EBF1: variants seen among roughly 807,000 people sequenced by gnomAD.
EBF1 encodes transcription factor COE1.
Under a neutral mutation model 68.4 loss-of-function variants are expected in EBF1, and 10 were observed. The ratio of observed to expected loss-of-function variants is 0.15; its 90% confidence interval spans 0.09 to 0.25. EBF1 has a LOEUF of 0.25. EBF1 is among the 10% of genes least tolerant of loss of function. The pLI, the probability that EBF1 is intolerant of heterozygous loss-of-function variation, is 1.00. For missense variants in EBF1, 509 were observed against 794.4 expected, an observed-to-expected ratio of 0.64 and a Z score of 4.32; for synonymous variants, 298 against 299.8, an observed-to-expected ratio of 0.99 and a Z score of 0.06.
At chr5:159,018,651 T>C (rs1766074579) in intron 6 of EBF1, among the ~76,000 whole-genome samples, 1 of 152,252 alleles carries the variant, frequency 6.6e-6, no homozygotes, top group South Asian at 2.1e-4. Flanking sequence ...CTAAGCACTT[T>C]ATAATGTACT....
intron 8 of EBF1, among the ~76,000 whole-genome samples, chr5:158,822,735 G>A (rs559398197): frequency 4.4e-4 from 67 of 152,254 alleles, no homozygotes; most frequent in African/African-American, 1.3e-3. Context: ...CAGGAGGGTG[G>A]TAAAGAGGAT....
intron 10 of EBF1, among the ~76,000 whole-genome samples, chr5:158,760,510 G>A (rs1430574555): frequency 3.3e-5 from 5 of 152,082 alleles, no homozygotes; most frequent in Non-Finnish European, 7.4e-5. Context: ...TTAAGACCAG[G>A]CATGGTGGCT....
intron 10 of EBF1, among the ~76,000 whole-genome samples, chr5:158,754,040 A>G (rs1348073541): frequency 6.6e-6 from 1 of 152,080 alleles, no homozygotes; most frequent in Non-Finnish European, 1.5e-5. Flanking sequence ...CTGTTAGAAC[A>G]TGAGGCTGGC....
rs183509380 is a variant in EBF1, at chr5:158,757,697, C to T, written c.1036+19716G>A. 3.7e-4 allele frequency among the ~76,000 whole-genome samples: 57 copies of T among 152,272 alleles called. 1 individual carries two copies. Among genetic ancestry groups the T allele is most frequent in the Non-Finnish European group, 7.4e-4 (50 of 68,020 alleles). On this transcript the variant is annotated intron_variant, in intron 10 of 15. Transcript: ENST00000313708. ...TGCATAACCTTCAGCAAATGCTGAA[C>T]ACCTCTTTGACTCAGTTTCTTCATT...
intron 7 of EBF1, among the ~76,000 whole-genome samples, chr5:158,829,703 A>C (rs746237949): frequency 1.3e-5 from 2 of 152,168 alleles, no homozygotes; most frequent in Non-Finnish European, 2.9e-5. Flanking sequence ...TCAACCCCCT[A>C]TAGTCTACAT....
At chr5:158,849,244 A>G (rs537387947) in intron 6 of EBF1, among the ~76,000 whole-genome samples, 4 of 152,290 alleles carry the variant, frequency 2.6e-5, no homozygotes, top group South Asian at 4.1e-4. Flanking sequence ...TGAATCTTTC[A>G]AAGTCCCTAA....
At position 159,083,666 on chromosome 5, in the gene EBF1, C is replaced by T. The variant is rs1359067163; in HGVS notation, c.485+1000G>A. The stretch of plus-strand genomic sequence containing the variant: ...TTAAGGTTGCTTTCCCCCACAAGTC[C>T]ACAAGCAGCAAATAAAGCCCATCCA... On this transcript the variant is annotated intron_variant, in intron 5 of 15. Transcript: ENST00000313708. 2.0e-5 allele frequency among the ~76,000 whole-genome samples: 3 copies of T among 152,264 alleles called. No homozygotes were observed. In the East Asian group the frequency reaches 5.8e-4, roughly 29 times the overall value.
chr5:158,736,515 G>A (rs1358978709), intron 10 of EBF1, among the ~76,000 whole-genome samples: 3 of 152,158 alleles, frequency 2.0e-5, no homozygotes, highest in Admixed American at 1.3e-4. Flanking sequence ...ATATTAGGAA[G>A]GCAATATTAA....
At chr5:158,794,164 A>G (rs1164121442) in intron 9 of EBF1, among the ~76,000 whole-genome samples, 1 of 152,172 alleles carries the variant, frequency 6.6e-6, no homozygotes, top group Non-Finnish European at 1.5e-5. Context: ...ACAATGAAGG[A>G]GCATGCATCC....
chr5:159,064,899 C>CTTTTTTTTTTTTTTTTTTT (rs57256923), intron 6 of EBF1, among the ~76,000 whole-genome samples: 2 of 67,936 alleles, frequency 2.9e-5, no homozygotes, highest in African/African-American at 6.1e-5. Flanking sequence ...CTCTTTTCAT[C>CTTTTTTTTTTTTTTTTTTT]TTTTTTTTTT....
At chr5:159,023,355 A>T (rs886431744) in intron 6 of EBF1, among the ~76,000 whole-genome samples, 3 of 152,230 alleles carry the variant, frequency 2.0e-5, no homozygotes, top group Non-Finnish European at 4.4e-5. Context: ...AGGGAAATGA[A>T]GTTCAGACTG....
intron 6 of EBF1, among the ~76,000 whole-genome samples, chr5:159,038,260 G>C (rs1402565702): frequency 1.3e-5 from 2 of 152,046 alleles, no homozygotes; most frequent in Non-Finnish European, 2.9e-5. Context: ...AAACACCATG[G>C]GAAACAGTGG....
intron 6 of EBF1, among the ~76,000 whole-genome samples, chr5:158,878,056 G>A (rs571355319): frequency 1.3e-5 from 2 of 151,714 alleles, no homozygotes; most frequent in African/African-American, 4.8e-5. Flanking sequence ...CTGCTCACGG[G>A]AGAAGTTTAA....
chr5:158,936,998 G>C (rs149747827), intron 6 of EBF1, among the ~76,000 whole-genome samples: 1 of 151,912 alleles, frequency 6.6e-6, no homozygotes, highest in South Asian at 2.1e-4. Flanking sequence ...GAGGGCAACC[G>C]AAAGCTTGGC....
intron 6 of EBF1, among the ~76,000 whole-genome samples, chr5:158,955,050 C>A (rs1392818674): frequency 6.6e-6 from 1 of 152,022 alleles, no homozygotes; most frequent in Non-Finnish European, 1.5e-5. Flanking sequence ...TTGGGCCGGG[C>A]GCAGTGGCTC....
intron 6 of EBF1, among the ~76,000 whole-genome samples, chr5:158,974,376 T>G (rs1756285635): frequency 2.0e-5 from 3 of 152,228 alleles, no homozygotes; most frequent in Admixed American, 2.0e-4. Flanking sequence ...ATTTCTCAGT[T>G]GCCACTTGAG....
chr5:158,980,464 CCT>C (rs1271753894), intron 6 of EBF1, among the ~76,000 whole-genome samples: 1 of 152,218 alleles, frequency 6.6e-6, no homozygotes, highest in Non-Finnish European at 1.5e-5. Flanking sequence ...AGCCAAGACT[CCT>C]CTCTCTGTCT....
chr5:159,059,679 T>C (rs1266311847), intron 6 of EBF1, among the ~76,000 whole-genome samples: 1 of 152,238 alleles, frequency 6.6e-6, no homozygotes, highest in Non-Finnish European at 1.5e-5. Flanking sequence ...GTTTATACAA[T>C]TACTTGTATA....
chr5:158,866,875 A>G (rs957983908), intron 6 of EBF1, among the ~76,000 whole-genome samples: 1 of 78,226 alleles, frequency 1.3e-5, no homozygotes, highest in Non-Finnish European at 2.7e-5. Flanking sequence ...ATATATATAT[A>G]TATATATATA....
Sources: gnomAD v4.1 joint callset for allele counts (sites outside exome capture counted in the v4.1 genomes callset) on GRCh38, gnomAD v4.1.1 for gene constraint, MANE v1.5 for transcripts, NCBI Gene and HGNC (gene_info 2026-07-23, HGNC 2026-07-21) for gene names.